CKM: variants seen among roughly 807,000 people sequenced by gnomAD.
The protein encoded by CKM is creatine kinase, M-type.
In CKM, 28 loss-of-function variants were observed where a neutral mutation model predicts 35.4. That is an observed-to-expected ratio of 0.79 (90% CI 0.59 to 1.08). The LOEUF is 1.08. Ranked by LOEUF, CKM falls within the 50% of genes least tolerant of loss-of-function variation. The pLI, the probability that CKM is intolerant of heterozygous loss-of-function variation, is 0.00. For missense variants in CKM, 484 were observed against 509.8 expected, an observed-to-expected ratio of 0.95 and a Z score of 0.49; for synonymous variants, 215 against 204.4, an observed-to-expected ratio of 1.05 and a Z score of -0.44.
At chr19:45,310,342 G>C (rs200940593) in intron 5 of CKM, among the ~76,000 whole-genome samples, 6 of 151,612 alleles carry the variant, frequency 4.0e-5, no homozygotes, top group Admixed American at 2.6e-4. Flanking sequence ...GGATGGTCTC[G>C]ATCTCCTGAC....
At chr19:45,315,335 G>GC in intron 4 of CKM, 130 bp downstream of exon 4, 1 of 1,044,794 alleles carries the variant, frequency 9.6e-7, no homozygotes, top group South Asian at 1.5e-5. Context: ...CATTCCCCAA[G>GC]CCCCCACGAT....
At position 45,311,741 on chromosome 19, in the gene CKM, G is replaced by C; in HGVS notation, c.653+8C>G. 1 of 1,565,450 alleles carries C rather than the reference G, an allele frequency of 6.4e-7. No homozygotes were observed. The highest frequency in any genetic ancestry group is 8.6e-7 in the Non-Finnish European group (1 of 1,157,616). On this transcript the variant is annotated splice_region_variant and intron_variant, in intron 5 of 7. Coordinates refer to ENST00000221476, the MANE Select transcript of CKM (RefSeq NM_001824.5). ...AAGAGGAAGCCAGGGGGCGGGGAGG[G>C]GCCTCACCAGATGCCACGGGCGTCG... is the stretch of plus-strand genomic sequence containing the variant.
intron 5 of CKM, 150 bp from the exon 6 acceptor site, chr19:45,308,682 C>T (rs1971079364): frequency 1.0e-6 from 1 of 954,464 alleles, no homozygotes; most frequent in Admixed American, 1.9e-5. Context: ...AACGCAGAAG[C>T]TTAAACCTGT....
chr19:45,307,374 T>C, intron 7 of CKM, 87 bp downstream of exon 7: 2 of 1,301,094 alleles, frequency 1.5e-6, no homozygotes, highest in Non-Finnish European at 2.2e-6. Context: ...TCCCCAGAAC[T>C]CGCAGGGATG....
rs768820179 is a variant in CKM at position 45,308,547 on chromosome 19, C to T, written c.654-15G>A. 2 of 1,613,960 alleles carry T rather than the reference C, an allele frequency of 1.2e-6. No individual in the cohort carries two copies. Among genetic ancestry groups the T allele is most frequent in the African/African-American group, 1.3e-5 (1 of 74,994 alleles). Reference sequence around the variant, plus strand: ...TGTCATTGTGCCTAGAGTAAGGTGCCGCAGCAAGAGGCCAAGGTGTCAGCC... The same window carrying T: ...TGTCATTGTGCCTAGAGTAAGGTGCTGCAGCAAGAGGCCAAGGTGTCAGCC... On this transcript the variant is annotated splice_polypyrimidine_tract_variant and intron_variant, in intron 5 of 7. Coordinates refer to ENST00000221476, the MANE Select transcript of CKM (RefSeq NM_001824.5).
chr19:45,314,174 AAAGGAAGG>A (rs140672931), intron 4 of CKM, among the ~76,000 whole-genome samples: 6 of 149,604 alleles, frequency 4.0e-5, no homozygotes, highest in African/African-American at 1.2e-4. Context: ...AAAAGAAAGG[AAAGGAAGG>A]AAGGAAGGAA....
chr19:45,318,056 G>T, intron 2 of CKM, 77 bp from the exon 3 acceptor site: 1 of 1,235,652 alleles, frequency 8.1e-7, no homozygotes, highest in Non-Finnish European at 1.2e-6. Context: ...AGTGGAGCCT[G>T]TGTGGACATG....
rs375179935 is a variant in CKM at position 45,315,606 on chromosome 19, C to A, written c.349-9G>T. On this transcript the variant is annotated splice_polypyrimidine_tract_variant and intron_variant, in intron 3 of 7. Transcript: ENST00000221476. Reference sequence around the variant, plus strand: ...TCCAGGTCGTCTCCACCCTGGAGAGCGGGTGGGAGATCAGGACCAGGCAGA... The same window carrying A: ...TCCAGGTCGTCTCCACCCTGGAGAGAGGGTGGGAGATCAGGACCAGGCAGA... The A allele has an allele frequency of 6.9e-6, 11 of 1,602,704 alleles. No individual in the cohort carries two copies. The highest frequency in any genetic ancestry group is 1.3e-5 in the African/African-American group (1 of 75,026).
In CKM at chr19:45,319,549, A is replaced by G. The variant is rs760176828; in HGVS notation, c.165T>C (p.Asp55=). The G allele has an allele frequency of 2.5e-6, 4 of 1,613,946 alleles. No homozygotes were observed. Among genetic ancestry groups the G allele is most frequent in the Non-Finnish European group, 8.5e-7 (1 of 1,180,016 alleles). ...GGTTGTCCACTCCTGTCTGGATGACATCGTCTACAGTGAAGCCAGATGGAG... is the reference window on the plus strand; with the variant it reads ...GGTTGTCCACTCCTGTCTGGATGACGTCGTCTACAGTGAAGCCAGATGGAG... ...KETPSGFTVD[D]VIQTGVDNPG... The change falls in exon 2 of 8, where the codon GAT becomes GAC. Residue 55 remains aspartate, a synonymous_variant. Coordinates refer to ENST00000221476, the MANE Select transcript of CKM (RefSeq NM_001824.5).
At chr19:45,313,253 G>C (rs1971126810) in intron 4 of CKM, among the ~76,000 whole-genome samples, 1 of 152,106 alleles carries the variant, frequency 6.6e-6, no homozygotes, top group Admixed American at 6.6e-5. Context: ...CAGTACTGCA[G>C]ACTTTCTCAT....
At position 45,311,732 on chromosome 19, in the gene CKM, G is replaced by A; in HGVS notation, c.653+17C>T. 1 of 1,554,152 alleles carries A rather than the reference G, an allele frequency of 6.4e-7. No individual in the cohort carries two copies. The highest frequency in any genetic ancestry group is 8.7e-7 in the Non-Finnish European group (1 of 1,152,290). On this transcript the variant is annotated intron_variant, in intron 5 of 7. Transcript: ENST00000221476. ...GGCTGGGGGAAGAGGAAGCCAGGGG[G>A]CGGGGAGGGGCCTCACCAGATGCCA...
At chr19:45,320,348 C>T (rs1156403507) in intron 1 of CKM, among the ~76,000 whole-genome samples, 1 of 152,172 alleles carries the variant, frequency 6.6e-6, no homozygotes, top group Non-Finnish European at 1.5e-5. Flanking sequence ...CCACCCGCCT[C>T]GGCCTCCCAA....
At chr19:45,322,016 C>G (rs111571766) in intron 1 of CKM, among the ~76,000 whole-genome samples, 2 of 152,088 alleles carry the variant, frequency 1.3e-5, no homozygotes, top group East Asian at 3.9e-4. Flanking sequence ...CCCCGCCCCA[C>G]CCCCACATTC....
chr19:45,317,673 C>T, intron 3 of CKM, 152 bp downstream of exon 3: 1 of 864,028 alleles, frequency 1.2e-6, no homozygotes, highest in Admixed American at 2.1e-5. Flanking sequence ...ACGCTCGCCT[C>T]AGCCTCCCAA....
intron 4 of CKM, 58 bp downstream of exon 4, chr19:45,315,407 T>G: frequency 1.3e-6 from 2 of 1,579,674 alleles, no homozygotes; most frequent in Non-Finnish European, 1.7e-6. Context: ...GACCTGCCCA[T>G]GGAGGAACAG....
Position 45,306,768 on chromosome 19 carries a change from C to G in CKM, c.1128G>C (p.Met376Ile), listed in dbSNP as rs376809982. 1.9e-6 allele frequency: 3 copies of G among 1,614,058 alleles called. No individual in the cohort carries two copies. The highest frequency in any genetic ancestry group is 2.5e-6 in the Non-Finnish European group (3 of 1,180,050). The part of the protein sequence containing the change: ...KLEKGQSIDD[M>I]IPAQK Reference sequence around the variant, plus strand: ...CAGGCGCCTACTTCTGGGCGGGGATCATGTCGTCAATGGACTGGCCTTTCT... The same window carrying G: ...CAGGCGCCTACTTCTGGGCGGGGATGATGTCGTCAATGGACTGGCCTTTCT... Residue 376 changes from methionine (M) to isoleucine (I), a missense_variant, in exon 8 of 8, where the codon ATG becomes ATC. Met to Ile is a conservative substitution (Grantham distance 10). Coordinates refer to ENST00000221476, the MANE Select transcript of CKM (RefSeq NM_001824.5). This position sits in a 1 kb window ranked among gnomAD's most constrained non-coding sequence, Gnocchi z 4.5.
intron 3 of CKM, among the ~76,000 whole-genome samples, chr19:45,317,484 A>C (rs111351824): frequency 8.6e-5 from 13 of 151,414 alleles, no homozygotes; most frequent in Non-Finnish European, 1.3e-4. Flanking sequence ...ACGGGGTTTC[A>C]CCATGTTGGT....
rs1392089622 is a variant in CKM at position 45,315,363 on chromosome 19, T to C, written c.481+102A>G. ...CCCACGATTTACCAAGCTCTTCCCCTACTTTGAAAAGCGGGGGCCCAAAGA... is the reference window on the plus strand; with the variant it reads ...CCCACGATTTACCAAGCTCTTCCCCCACTTTGAAAAGCGGGGGCCCAAAGA... On this transcript the variant is annotated intron_variant, in intron 4 of 7. Transcript: ENST00000221476. 3.8e-6 allele frequency: 5 copies of C among 1,331,520 alleles called. No homozygotes were observed. In the Admixed American group the frequency reaches 1.0e-4, roughly 27 times the overall value. The allele number at this position is 1,331,520 out of a possible 1,614,324, so 82.5% of individuals were successfully genotyped here. A position where few individuals can be genotyped will look rare whatever the true frequency, so the allele number is the denominator to read the frequency against.
At chr19:45,319,875 C>T in intron 1 of CKM, 144 bp from the exon 2 acceptor site, 1 of 648,316 alleles carries the variant, frequency 1.5e-6, no homozygotes, top group South Asian at 1.9e-5. Flanking sequence ...ACTGCAAGCT[C>T]CACCTCCTGG....
Sources: gnomAD v4.1 joint callset for allele counts (sites outside exome capture counted in the v4.1 genomes callset) on GRCh38, gnomAD v4.1.1 for gene constraint, Gnocchi (gnomAD v3.1) non-coding constraint, MANE v1.5 for transcripts, NCBI Gene and HGNC (gene_info 2026-07-23, HGNC 2026-07-21) for gene names.